Variants in PTGER3 observed in about 807,000 individuals in gnomAD.
PTGER3 encodes prostaglandin E2 receptor EP3 subtype.
Under a neutral mutation model 34.7 loss-of-function variants are expected in PTGER3, and 22 were observed. The ratio of observed to expected loss-of-function variants is 0.63; its 90% CI spans 0.45 to 0.91. The LOEUF (loss-of-function observed/expected upper bound fraction) is 0.91, where lower values mean the gene tolerates loss of function less well. Ranked by LOEUF, PTGER3 falls within the 40% of genes least tolerant of loss-of-function variation. The pLI, the probability that PTGER3 is intolerant of heterozygous loss-of-function variation, is 0.00. For missense variants in PTGER3, 468 were observed against 519.4 expected, an observed-to-expected ratio of 0.90 and a Z score of 0.96; for synonymous variants, 241 against 230.1, an observed-to-expected ratio of 1.05 and a Z score of -0.43.
At chr1:71,042,926 T>C (rs1240977892) in intron 1 of PTGER3, among the ~76,000 whole-genome samples, 1 of 152,222 alleles carries the variant, frequency 6.6e-6, no homozygotes. Flanking sequence ...AGATTGATGA[T>C]GAGAAACTGT....
chr1:71,010,590 T>C (rs1657352784), intron 2 of PTGER3: 2 of 984,634 alleles, frequency 2.0e-6, no homozygotes, highest in African/African-American at 1.8e-5. Context: ...CTCTTTATTA[T>C]GTGATTTCAG....
chr1:70,863,837 G>A (rs761398154), intron 4 of PTGER3, among the ~76,000 whole-genome samples: 1 of 152,118 alleles, frequency 6.6e-6, no homozygotes, highest in Non-Finnish European at 1.5e-5. Flanking sequence ...GCTATGGTGA[G>A]TATATGGTAG....
intron 4 of PTGER3, among the ~76,000 whole-genome samples, chr1:70,873,470 A>G (rs1244310645): frequency 6.6e-6 from 1 of 152,166 alleles, no homozygotes; most frequent in African/African-American, 2.4e-5. Flanking sequence ...TTTTGGAGAC[A>G]TTTTGATCAG....
chr1:70,862,779 C>G (rs903140879), intron 4 of PTGER3, among the ~76,000 whole-genome samples: 1 of 152,066 alleles, frequency 6.6e-6, no homozygotes, highest in African/African-American at 2.4e-5. Flanking sequence ...GACAGGAAAG[C>G]TTACTGAGGA....
chr1:70,874,510 A>G (rs1449276455), intron 4 of PTGER3, among the ~76,000 whole-genome samples: 1 of 152,038 alleles, frequency 6.6e-6, no homozygotes, highest in Non-Finnish European at 1.5e-5. Context: ...ATTGGTTTTC[A>G]GTGTTAGGCC....
chr1:70,852,720 T>C, exon 5 of PTGER3: 3 of 1,253,756 alleles, frequency 2.4e-6, no homozygotes, highest in Non-Finnish European at 3.5e-6. Context: ...GGGGGTGGGC[T>C]TGGGGGAAGA....
chr1:70,931,642 A>C (rs562986760), intron 4 of PTGER3, among the ~76,000 whole-genome samples: 39 of 152,310 alleles, frequency 2.6e-4, no homozygotes, highest in African/African-American at 8.9e-4. Flanking sequence ...GGCTTGCACC[A>C]ACTGAAACCA....
At chr1:71,031,246 ACAC>A (rs1659388067) in intron 1 of PTGER3, among the ~76,000 whole-genome samples, 1 of 114 alleles carries the variant, frequency 8.8e-3, no homozygotes, top group Non-Finnish European at 0.031. Flanking sequence ...TGGCAGGAAA[ACAC>A]ACACACACAC....
intron 4 of PTGER3, among the ~76,000 whole-genome samples, chr1:70,884,973 A>C (rs1399967534): frequency 6.6e-6 from 1 of 152,206 alleles, no homozygotes; most frequent in Non-Finnish European, 1.5e-5. Flanking sequence ...TTTGGGACAC[A>C]ACTCTTCTAG....
chr1:70,891,867 TG>T (rs1226763297), intron 4 of PTGER3, among the ~76,000 whole-genome samples: 1 of 152,194 alleles, frequency 6.6e-6, no homozygotes, highest in Non-Finnish European at 1.5e-5. Context: ...TTATATAATA[TG>T]GAAAACCATG....
intron 4 of PTGER3, among the ~76,000 whole-genome samples, chr1:70,943,196 A>G (rs901653761): frequency 6.6e-6 from 1 of 152,140 alleles, no homozygotes; most frequent in Non-Finnish European, 1.5e-5. Flanking sequence ...TCCTGACAAT[A>G]TGTTTGGAAA....
chr1:70,940,377 T>A (rs1024840746), intron 4 of PTGER3, among the ~76,000 whole-genome samples: 1 of 152,226 alleles, frequency 6.6e-6, no homozygotes, highest in Non-Finnish European at 1.5e-5. Flanking sequence ...AATCTCCGCC[T>A]ATTACCTAGT....
chr1:71,010,321 C>A, intron 2 of PTGER3: 1 of 984,626 alleles, frequency 1.0e-6, no homozygotes, highest in Non-Finnish European at 1.2e-6. Flanking sequence ...AGAAATAATT[C>A]ACTTTATCAG....
intron 4 of PTGER3, among the ~76,000 whole-genome samples, chr1:70,935,557 G>A (rs1487315909): frequency 6.6e-6 from 1 of 150,852 alleles, no homozygotes; most frequent in East Asian, 1.9e-4. Context: ...GCAATATTTT[G>A]GTTTGCTTTT....
intron 2 of PTGER3, among the ~76,000 whole-genome samples, chr1:70,988,665 C>T (rs1375930617): frequency 2.6e-5 from 4 of 152,146 alleles, no homozygotes; most frequent in Non-Finnish European, 5.9e-5. Flanking sequence ...GTAGCCAGAT[C>T]AGCCCTGGAC....
At chr1:71,001,539 AC>A (rs1287605362) in intron 2 of PTGER3, among the ~76,000 whole-genome samples, 19 of 152,036 alleles carry the variant, frequency 1.2e-4, no homozygotes, top group African/African-American at 3.6e-4. Flanking sequence ...AAGAATCTAT[AC>A]TTTTGAGTCT....
At chr1:70,978,614 G>A (rs1653937995) in intron 2 of PTGER3, among the ~76,000 whole-genome samples, 1 of 152,072 alleles carries the variant, frequency 6.6e-6, no homozygotes, top group African/African-American at 2.4e-5. Context: ...AGGAGTGTGT[G>A]CTCTAGTTGG....
rs60989903 is a variant in PTGER3, at chr1:70,943,847, G to GGAGAGA, written c.*23+9910_*23+9915dup. 2.1e-3 allele frequency among the ~76,000 whole-genome samples: 290 copies of GGAGAGA among 138,334 alleles called. 3 individuals are homozygous for GGAGAGA. The highest frequency in any genetic ancestry group is 7.4e-3 in the African/African-American group (273 of 36,894). The allele number at this position is 138,334 out of a possible 152,430, so 90.8% of individuals were successfully genotyped here. On this transcript the variant is annotated intron_variant, in intron 4 of 4. Coordinates refer to the PTGER3 transcript ENST00000370931. Reference sequence around the variant, plus strand: ...TACAGATGTGAAAAGGGAGAGAGAGGGAGAGAGAGAGAGAGAGAGAGAGAG... The same window carrying GGAGAGA: ...TACAGATGTGAAAAGGGAGAGAGAGGGAGAGAGAGAGAGAGAGAGAGAGAGAGAGAG...
chr1:70,863,771 G>A (rs866406409), intron 4 of PTGER3, among the ~76,000 whole-genome samples: 2 of 152,102 alleles, frequency 1.3e-5, no homozygotes, highest in Non-Finnish European at 2.9e-5. Context: ...CTGAACGAAG[G>A]TAGAAAGGTA....
Sources: gnomAD v4.1 joint callset for allele counts (sites outside exome capture counted in the v4.1 genomes callset) on GRCh38, gnomAD v4.1.1 for gene constraint, MANE v1.5 for transcripts, NCBI Gene and HGNC (gene_info 2026-07-23, HGNC 2026-07-21) for gene names.